CDC20B: variants seen among roughly 807,000 people sequenced by gnomAD.
CDC20B encodes the protein cell division cycle 20B, also known as cell division cycle protein 20 homolog B.
A neutral mutation model predicts 64.1 loss-of-function variants in CDC20B; 58 were observed. That is an observed-to-expected ratio of 0.90 (90% CI 0.73 to 1.13). The LOEUF is 1.13. Among genes scored for constraint, CDC20B ranks in the 50% most tolerant of loss-of-function variants. CDC20B has a pLI of 0.00. For missense variants in CDC20B, 597 were observed against 633.0 expected (o/e 0.94, Z 0.61); for synonymous variants, 243 against 230.6 (o/e 1.05, Z -0.49).
intron 3 of CDC20B, among the ~76,000 whole-genome samples, chr5:55,145,931 A>G: frequency 6.6e-6 from 1 of 151,902 alleles, no homozygotes; most frequent in Non-Finnish European, 1.5e-5. Context: ...CTGACTCTGT[A>G]TACCAGTAAC....
At chr5:55,141,967 G>A (rs1035318894) in intron 4 of CDC20B, among the ~76,000 whole-genome samples, 4 of 152,268 alleles carry the variant, frequency 2.6e-5, no homozygotes, top group Admixed American at 6.5e-5. Context: ...GTTGAGAACC[G>A]TTAGTATAAA....
At chr5:55,147,483 G>A (rs545353090) in intron 2 of CDC20B, among the ~76,000 whole-genome samples, 1 of 145,638 alleles carries the variant, frequency 6.9e-6, no homozygotes, top group African/African-American at 2.5e-5. Flanking sequence ...TATAAAACAT[G>A]TTATTTTATA....
intron 2 of CDC20B, among the ~76,000 whole-genome samples, chr5:55,162,638 C>A (rs1744139083): frequency 6.6e-6 from 1 of 152,148 alleles, no homozygotes. Flanking sequence ...TGCCTAACGC[C>A]ATAAATGGCA....
At chr5:55,119,267 G>C (rs1318703511) in intron 11 of CDC20B, among the ~76,000 whole-genome samples, 2 of 152,140 alleles carry the variant, frequency 1.3e-5, no homozygotes, top group Non-Finnish European at 2.9e-5. Flanking sequence ...GCACAAAAGA[G>C]GATTTAAGGC....
intron 2 of CDC20B, among the ~76,000 whole-genome samples, chr5:55,167,687 C>A (rs1264655073): frequency 6.6e-6 from 1 of 151,890 alleles, no homozygotes; most frequent in Non-Finnish European, 1.5e-5. Flanking sequence ...ATGGCAAAAC[C>A]CTGTCTCCAC....
rs1399660848 is a variant in CDC20B, at chr5:55,127,349, T to C, written c.897A>G (p.Leu299=). ...AVGTSEGEVQ[L]WDVVTKKRLR... ...GCCGCTTTTTAGTTACCACATCCCA[T>C]AACTGAAAAAATGAACAAGGAGAGT... Residue 299 remains leucine (L), a splice_region_variant and synonymous_variant, in exon 8 of 12, where the codon TTA becomes TTG. Coordinates refer to ENST00000381375, the MANE Select transcript of CDC20B (RefSeq NM_001170402.1). The C allele has an allele frequency of 1.9e-5, 31 of 1,613,280 alleles. No homozygotes were observed. In the East Asian group the frequency reaches 2.0e-4, roughly 10 times the overall value.
intron 4 of CDC20B, among the ~76,000 whole-genome samples, chr5:55,141,135 G>A (rs1485811818): frequency 4.6e-5 from 7 of 152,202 alleles, no homozygotes; most frequent in East Asian, 3.9e-4. Context: ...TTGGGGGGCC[G>A]TAGGCAGGTG....
At chr5:55,151,257 C>T (rs1024551361) in intron 2 of CDC20B, among the ~76,000 whole-genome samples, 2 of 152,046 alleles carry the variant, frequency 1.3e-5, no homozygotes, top group Admixed American at 1.3e-4. Flanking sequence ...ATGAATTTTC[C>T]CACTTTTTAA....
rs746754909 is a variant in CDC20B at position 55,143,543 on chromosome 5, G to C, written c.456C>G (p.Asp152Glu). 1.9e-6 allele frequency: 3 copies of C among 1,608,150 alleles called. No individual in the cohort carries two copies. Among genetic ancestry groups the C allele is most frequent in the African/African-American group, 1.3e-5 (1 of 74,680 alleles). Residue 152 changes from aspartate to glutamate, a missense_variant, in exon 4 of 12, where the codon GAC (aspartate) becomes GAG (glutamate). Around this residue, in one of 3 missense-constraint regions of CDC20B, gnomAD observed 241 missense variants for 219.2 expected, o/e 1.10. Transcript: ENST00000381375. Reference sequence around the variant, plus strand: ...CTTTTGAGGCAACACTTTCTTTCCAGTCTCTGTCCATTGCATGAGGTGCCT... The same window carrying C: ...CTTTTGAGGCAACACTTTCTTTCCACTCTCTGTCCATTGCATGAGGTGCCT... ...FCKAPHAMDR[D>E]WKESVASKGQ...
At position 55,114,015 on chromosome 5, in the gene CDC20B, G is replaced by A; in HGVS notation, c.*203C>T. The A allele has an allele frequency of 1.1e-6, 1 of 888,646 alleles. No homozygotes were observed. Among genetic ancestry groups the A allele is most frequent in the Non-Finnish European group, 1.6e-6 (1 of 628,410 alleles). 55.0% of individuals were successfully genotyped at this position (888,646 alleles called of 1,614,324 possible). On this transcript the variant is annotated 3_prime_UTR_variant, in exon 12 of 12. Coordinates refer to ENST00000381375, the MANE Select transcript of CDC20B (RefSeq NM_001170402.1). The surrounding 1 kb of genome is among the most constrained non-coding windows in gnomAD (Gnocchi z 4.1). The stretch of plus-strand genomic sequence containing the variant: ...GGGGGAGGAAGAGGGGCAGAAAGAA[G>A]AAAGCAGAGAAGAAAAGAAGCGGAT...
intron 2 of CDC20B, among the ~76,000 whole-genome samples, chr5:55,163,460 C>T (rs1193095579): frequency 6.6e-6 from 1 of 152,092 alleles, no homozygotes; most frequent in Non-Finnish European, 1.5e-5. Context: ...GTGGCACACA[C>T]CTGTAATCCC....
rs907357176 is a variant in CDC20B, at chr5:55,138,721, A to G, written c.580+1593T>C. Reference sequence around the variant, plus strand: ...AAGATAGTATATCCATGAAGCATGAACAGGATGCTGTAAAAAAAAAAAAAG... The same window carrying G: ...AAGATAGTATATCCATGAAGCATGAGCAGGATGCTGTAAAAAAAAAAAAAG... On this transcript the variant is annotated intron_variant, in intron 5 of 11. Coordinates refer to ENST00000381375, the MANE Select transcript of CDC20B (RefSeq NM_001170402.1). 1.9e-4 allele frequency among the ~76,000 whole-genome samples: 28 copies of G among 148,986 alleles called. 1 individual carries two copies. The highest frequency in any genetic ancestry group is 3.1e-4 in the Non-Finnish European group (21 of 66,848).
chr5:55,133,553 C>T (rs762074841), intron 5 of CDC20B, 25 bp from the exon 6 acceptor site: 2 of 1,025,686 alleles, frequency 1.9e-6, no homozygotes. Flanking sequence ...CACTTCTACA[C>T]AGCTCTAAGA....
intron 5 of CDC20B, chr5:55,135,617 T>A (rs922360949): frequency 6.6e-6 from 1 of 152,130 alleles, no homozygotes. Flanking sequence ...AACAGACGCT[T>A]GAGGAATAAA....
At chr5:55,163,909 T>G in intron 2 of CDC20B, 2 of 520,348 alleles carry the variant, frequency 3.8e-6, no homozygotes, top group Non-Finnish European at 6.3e-6. Flanking sequence ...ACCTTGAGTT[T>G]CACTTCGTTT....
rs147443662 is a variant in CDC20B at position 55,122,132 on chromosome 5, GT to G, written c.1216-1583del. Among the ~76,000 whole-genome samples the G allele has an allele frequency of 3.4e-3, 511 of 152,220 alleles. 4 individuals carry two copies. The highest frequency in any genetic ancestry group is 0.012 in the African/African-American group (485 of 41,524). On this transcript the variant is annotated intron_variant, in intron 9 of 11. Transcript: ENST00000381375. ...GAGCCCACTGTGTTTTGCCAAACCT[GT>G]TTATGACAGGTGAACTTGTTATTAT... is the stretch of plus-strand genomic sequence containing the variant.
intron 5 of CDC20B, among the ~76,000 whole-genome samples, chr5:55,137,877 A>G (rs1743225239): frequency 1.3e-5 from 2 of 152,168 alleles, no homozygotes. Context: ...ACTACCCCTC[A>G]AGTGCCTGCA....
intron 5 of CDC20B, chr5:55,136,538 G>A (rs1457841998): frequency 2.7e-5 from 4 of 146,510 alleles, no homozygotes; most frequent in African/African-American, 1.0e-4. Flanking sequence ...CAGCCTGGAC[G>A]ATAGAGCAAG....
intron 2 of CDC20B, among the ~76,000 whole-genome samples, chr5:55,163,034 C>A (rs1435967284): frequency 1.3e-5 from 2 of 152,106 alleles, no homozygotes; most frequent in African/African-American, 4.8e-5. Flanking sequence ...CTCATAGGGT[C>A]CCTGTAAGAT....
Sources: allele counts gnomAD v4.1 joint callset (sites outside exome capture counted in the v4.1 genomes callset), GRCh38; gene constraint gnomAD v4.1.1; regional missense constraint gnomAD v4.1.1; non-coding constraint Gnocchi (gnomAD v3.1); transcripts MANE v1.5; gene names NCBI Gene and HGNC (gene_info 2026-07-23, HGNC 2026-07-21).